Variants in ZNF507 observed in about 807,000 individuals in gnomAD.
ZNF507 encodes the protein zinc finger protein 507.
ZNF507 carries 29 observed loss-of-function variants against 80.0 expected under a neutral mutation model. The ratio of observed to expected loss-of-function variants is 0.36; its 90% CI spans 0.27 to 0.49. The LOEUF (loss-of-function observed/expected upper bound fraction) is 0.49. ZNF507 is among the 20% of genes least tolerant of loss of function. The pLI is 0.98. For missense variants in ZNF507, 1,081 were observed against 1,152.2 expected (o/e 0.94, Z 0.90); for synonymous variants, 462 against 422.5 (o/e 1.09, Z -1.15).
intron 5 of ZNF507, among the ~76,000 whole-genome samples, chr19:32,370,934 CT>C (rs1259404165): frequency 2.0e-5 from 3 of 152,170 alleles, no homozygotes; most frequent in Non-Finnish European, 4.4e-5. Context: ...CAGTTTAATC[CT>C]TTTGCATGTG....
intron 5 of ZNF507, among the ~76,000 whole-genome samples, chr19:32,373,269 C>T (rs1967498904): frequency 1.3e-5 from 2 of 152,028 alleles, no homozygotes; most frequent in South Asian, 4.1e-4. Context: ...GGTCTCTGCC[C>T]TCATGACCTA....
At chr19:32,373,649 C>T (rs1419030123) in intron 5 of ZNF507, among the ~76,000 whole-genome samples, 1 of 152,242 alleles carries the variant, frequency 6.6e-6, no homozygotes, top group African/African-American at 2.4e-5. Flanking sequence ...TCATTAAATT[C>T]ACTTTCACTG....
chr19:32,347,004 C>T (rs1967105684), intron 1 of ZNF507, among the ~76,000 whole-genome samples: 1 of 152,148 alleles, frequency 6.6e-6, no homozygotes, highest in African/African-American at 2.4e-5. Context: ...AAACAAAATA[C>T]ACAATTATTG....
At chr19:32,371,331 A>G (rs975248759) in intron 5 of ZNF507, among the ~76,000 whole-genome samples, 2 of 151,810 alleles carry the variant, frequency 1.3e-5, no homozygotes, top group Non-Finnish European at 2.9e-5. Context: ...AAAATTAGCC[A>G]GGTATGGTAG....
Position 32,354,883 on chromosome 19 carries a change from G to A in ZNF507, c.2053G>A (p.Glu685Lys), listed in dbSNP as rs1243324714. Reference protein sequence around the residue: ...EHIADNSKDLESHMIHHCKTR... With the variant: ...EHIADNSKDLKSHMIHHCKTR... ...CATAGCGGACAACAGCAAAGATTTG[G>A]AGAGTCACATGATCCACCACTGTAA... The change falls in exon 3 of 7, where the codon GAG becomes AAG. Residue 685 changes from glutamate to lysine, a missense_variant. Glu to Lys is a moderately conservative substitution (Grantham distance 56). Transcript: ENST00000355898. 1 of 1,614,166 alleles carries A rather than the reference G, an allele frequency of 6.2e-7. No homozygotes were observed. Among genetic ancestry groups the A allele is most frequent in the South Asian group, 1.1e-5 (1 of 91,078 alleles).
chr19:32,348,440 C>G (rs192998173), intron 2 of ZNF507, among the ~76,000 whole-genome samples: 19 of 152,118 alleles, frequency 1.2e-4, no homozygotes, highest in Admixed American at 7.2e-4. Flanking sequence ...AATTGTTCAA[C>G]TTGATTTTAC....
chr19:32,365,384 G>A (rs1448677127), intron 5 of ZNF507, among the ~76,000 whole-genome samples: 1 of 152,102 alleles, frequency 6.6e-6, no homozygotes, highest in Non-Finnish European at 1.5e-5. Context: ...ATTGCTTTTG[G>A]GGTTTTGGTC....
At chr19:32,369,330 T>C (rs1967439120) in intron 5 of ZNF507, among the ~76,000 whole-genome samples, 1 of 152,180 alleles carries the variant, frequency 6.6e-6, no homozygotes, top group Non-Finnish European at 1.5e-5. Context: ...CCCCATGTCA[T>C]GTGTATGACT....
chr19:32,362,457 C>T (rs945165224), intron 5 of ZNF507, among the ~76,000 whole-genome samples: 5 of 152,144 alleles, frequency 3.3e-5, no homozygotes, highest in African/African-American at 4.8e-5. Context: ...CTTCAGGGGC[C>T]GTGCTAGATT....
At chr19:32,381,582 T>A (rs192929121) in intron 5 of ZNF507, among the ~76,000 whole-genome samples, 1 of 152,198 alleles carries the variant, frequency 6.6e-6, no homozygotes, top group Admixed American at 6.5e-5. Flanking sequence ...CACTCCAGCC[T>A]GGGAGACAGA....
intron 2 of ZNF507, among the ~76,000 whole-genome samples, chr19:32,351,580 A>T (rs1967169955): frequency 6.9e-6 from 1 of 144,300 alleles, no homozygotes; most frequent in Admixed American, 7.1e-5. Flanking sequence ...CAGGGGCTGA[A>T]GGGCCCTTAT....
chr19:32,350,106 A>G (rs1967142640), intron 2 of ZNF507, among the ~76,000 whole-genome samples: 1 of 151,984 alleles, frequency 6.6e-6, no homozygotes, highest in Non-Finnish European at 1.5e-5. Flanking sequence ...TTTCTGCATT[A>G]GTGGTCTAAG....
Position 32,354,333 on chromosome 19 carries a change from C to G in ZNF507, c.1503C>G (p.Val501=), listed in dbSNP as rs1488418015. 5.0e-6 allele frequency: 8 copies of G among 1,614,034 alleles called. No homozygotes were observed. Among genetic ancestry groups the G allele is most frequent in the Non-Finnish European group, 5.1e-6 (6 of 1,180,050 alleles). Residue 501 remains valine (V), a synonymous_variant, in exon 3 of 7, where the codon GTC becomes GTG. Transcript: ENST00000355898. ...RLHSLAAEAL[V]TMPIRAAELT... is the part of the protein sequence containing the mutation. ...ACTCATTAGCTGCAGAAGCCCTTGTCACAATGCCTATAAGAGCTGCAGAGT... is the reference window on the plus strand; with the variant it reads ...ACTCATTAGCTGCAGAAGCCCTTGTGACAATGCCTATAAGAGCTGCAGAGT...
At chr19:32,361,170 A>G (rs1321711729) in intron 5 of ZNF507, among the ~76,000 whole-genome samples, 3 of 152,264 alleles carry the variant, frequency 2.0e-5, no homozygotes, top group Non-Finnish European at 4.4e-5. Flanking sequence ...TAAAGGCAAT[A>G]AAATTTTCTA....
intron 5 of ZNF507, among the ~76,000 whole-genome samples, chr19:32,375,242 T>G (rs1420244745): frequency 6.6e-6 from 1 of 152,218 alleles, no homozygotes; most frequent in East Asian, 1.9e-4. Context: ...GAGAAAGCAC[T>G]ACTGGCATTT....
At position 32,354,819 on chromosome 19, in the gene ZNF507, T is replaced by G; in HGVS notation, c.1989T>G (p.His663Gln). 1 of 1,614,130 alleles carries G rather than the reference T, an allele frequency of 6.2e-7. No homozygotes were observed. The highest frequency in any genetic ancestry group is 2.2e-5 in the East Asian group (1 of 44,866). ...ACATCAAGCAGCACTTACGAGTCCA[T>G]CGACAGAGACAGCCTTATCAGTGTC... The part of the protein sequence containing the change: ...KGYIKQHLRV[H>Q]RQRQPYQCPI... The change falls in exon 3 of 7, where the codon CAT (histidine) becomes CAG (glutamine). Residue 663 changes from histidine to glutamine, a missense_variant. Physicochemically the swap from His to Gln is conservative, Grantham distance 24. Coordinates refer to ENST00000355898, the MANE Select transcript of ZNF507 (RefSeq NM_001136156.2).
At chr19:32,348,773 GTCT>G (rs1967126985) in intron 2 of ZNF507, among the ~76,000 whole-genome samples, 1 of 152,066 alleles carries the variant, frequency 6.6e-6, no homozygotes, top group South Asian at 2.1e-4. Context: ...AATGCCTGTC[GTCT>G]TCTTTCCTCC....
intron 5 of ZNF507, among the ~76,000 whole-genome samples, chr19:32,374,474 C>CTTTTT (rs58648987): frequency 5.8e-5 from 8 of 138,156 alleles, no homozygotes; most frequent in African/African-American, 1.1e-4. Context: ...GCTTTTCTTT[C>CTTTTT]TTTTTTTTTT....
Position 32,382,465 on chromosome 19 carries a change from A to G in ZNF507, c.2361-2A>G. On this transcript the variant is annotated splice_acceptor_variant, in intron 5 of 6. Coordinates refer to ENST00000355898, the MANE Select transcript of ZNF507 (RefSeq NM_001136156.2). LOFTEE classifies it high-confidence loss of function. ...ATTTTCCCTTGCCTGCCTGTCTTCCAGATGCTCTCTGTGTGGGTATGTGTG... is the reference window on the plus strand; with the variant it reads ...ATTTTCCCTTGCCTGCCTGTCTTCCGGATGCTCTCTGTGTGGGTATGTGTG... 5.0e-6 allele frequency: 8 copies of G among 1,612,918 alleles called. No individual in the cohort carries two copies. Among genetic ancestry groups the G allele is most frequent in the Non-Finnish European group, 5.9e-6 (7 of 1,179,400 alleles).
Sources: allele counts gnomAD v4.1 joint callset (sites outside exome capture counted in the v4.1 genomes callset), GRCh38; gene constraint gnomAD v4.1.1; transcripts MANE v1.5; gene names NCBI Gene and HGNC (gene_info 2026-07-23, HGNC 2026-07-21).